Variants in TDRD5 observed in about 807,000 individuals in gnomAD.
TDRD5 encodes the protein tudor domain-containing protein 5.
TDRD5 carries 41 observed loss-of-function variants against 120.6 expected under a neutral mutation model. That is an observed-to-expected ratio of 0.34 (90% CI 0.26 to 0.44). The LOEUF is 0.44. Ranked by LOEUF, TDRD5 falls within the 20% of genes least tolerant of loss-of-function variation. TDRD5 has a pLI of 1.00. For synonymous variants in TDRD5, 430 were observed against 433.7 expected, an observed-to-expected ratio of 0.99 and a Z score of 0.11; for missense variants, 1,006 against 1,221.2, an observed-to-expected ratio of 0.82 and a Z score of 2.63.
chr1:179,675,526 GC>G (rs1048648269), intron 17 of TDRD5, among the ~76,000 whole-genome samples: 33 of 151,578 alleles, frequency 2.2e-4, no homozygotes, highest in African/African-American at 6.8e-4. Flanking sequence ...TGATCCGCCC[GC>G]CTCGGCCTCC....
intron 4 of TDRD5, among the ~76,000 whole-genome samples, chr1:179,598,674 G>GTT (rs34491944): frequency 4.8e-4 from 69 of 143,732 alleles, no homozygotes; most frequent in African/African-American, 1.7e-3. Context: ...AAATCAATTG[G>GTT]TTTTTTTTTT....
intron 3 of TDRD5, 62 bp downstream of exon 3, chr1:179,593,929 G>A (rs567804407): frequency 6.5e-7 from 1 of 1,544,158 alleles, no homozygotes; most frequent in South Asian, 1.3e-5. Flanking sequence ...AATCACTAAG[G>A]TCTATGAGTT....
At chr1:179,601,844 C>T (rs973204003) in intron 4 of TDRD5, among the ~76,000 whole-genome samples, 12 of 152,318 alleles carry the variant, frequency 7.9e-5, no homozygotes, top group African/African-American at 2.6e-4. Flanking sequence ...CTTGCTCTGT[C>T]GCCCAGGCTG....
chr1:179,592,346 C>G (rs974484526), intron 1 of TDRD5: 11 of 405,180 alleles, frequency 2.7e-5, no homozygotes, highest in Admixed American at 1.9e-4. Context: ...GTCCAACACC[C>G]GACAGGAACC....
At position 179,690,925 on chromosome 1, in the gene TDRD5, G is replaced by A; in HGVS notation, c.3090G>A (p.Val1030=). The change falls in exon 18 of 18, where the codon GTG becomes GTA. Residue 1030 remains valine, a synonymous_variant. Transcript: ENST00000444136. ...SRSLLHWYPS[V]KRMEA Reference sequence around the variant, plus strand: ...GCCTCCTACACTGGTACCCCAGTGTGAAAAGGATGGAAGCATGAGGGAGGG... The same window carrying A: ...GCCTCCTACACTGGTACCCCAGTGTAAAAAGGATGGAAGCATGAGGGAGGG... 6.2e-7 allele frequency: 1 copy of A among 1,613,004 alleles called. No individual in the cohort carries two copies. The highest frequency in any genetic ancestry group is 8.5e-7 in the Non-Finnish European group (1 of 1,179,532).
chr1:179,650,541 A>G (rs12404142), intron 11 of TDRD5, among the ~76,000 whole-genome samples: 51,389 of 151,910 alleles, frequency 0.34, 8,924 homozygotes, highest in Admixed American at 0.42. Flanking sequence ...CCTTTTGGAT[A>G]TATTTCATAA....
chr1:179,652,673 C>G (rs1187839262), intron 13 of TDRD5, among the ~76,000 whole-genome samples: 3 of 152,154 alleles, frequency 2.0e-5, no homozygotes, highest in African/African-American at 7.2e-5. Context: ...CTAATTTAAT[C>G]TTTACAGCAA....
At chr1:179,684,025 A>G (rs184538297) in intron 17 of TDRD5, among the ~76,000 whole-genome samples, 1 of 152,238 alleles carries the variant, frequency 6.6e-6, no homozygotes, top group East Asian at 1.9e-4. Context: ...CTTCTTCATT[A>G]AAACTAATTA....
intron 16 of TDRD5, among the ~76,000 whole-genome samples, chr1:179,666,359 CTA>C (rs553277760): frequency 7.0e-4 from 106 of 152,270 alleles, no homozygotes; most frequent in African/African-American, 2.3e-3. Context: ...TGATGAATAT[CTA>C]TTTTTAAGAT....
chr1:179,671,918 C>T (rs184020037), intron 17 of TDRD5, among the ~76,000 whole-genome samples: 21 of 150,026 alleles, frequency 1.4e-4, no homozygotes, highest in Admixed American at 6.0e-4. Context: ...GCCATTATTT[C>T]GTTCCTTTTT....
intron 4 of TDRD5, among the ~76,000 whole-genome samples, chr1:179,611,353 G>C (rs940829021): frequency 6.6e-6 from 1 of 151,976 alleles, no homozygotes; most frequent in Non-Finnish European, 1.5e-5. Flanking sequence ...GGCTAGTTGT[G>C]ATACTGTTTT....
At chr1:179,615,749 T>C (rs1415349950) in intron 4 of TDRD5, among the ~76,000 whole-genome samples, 2 of 151,686 alleles carry the variant, frequency 1.3e-5, no homozygotes, top group Non-Finnish European at 2.9e-5. Flanking sequence ...AAAGTCACCT[T>C]AATTTAGACA....
At chr1:179,687,226 G>C (rs150378917) in intron 17 of TDRD5, among the ~76,000 whole-genome samples, 1 of 152,194 alleles carries the variant, frequency 6.6e-6, no homozygotes, top group Non-Finnish European at 1.5e-5. Context: ...GTGTCCCAGA[G>C]ATTCTGGTAT....
chr1:179,595,707 A>G lies in TDRD5; in HGVS notation c.720A>G (p.Ser240=), dbSNP rs1233853758. 2 of 1,613,856 alleles carry G rather than the reference A, an allele frequency of 1.2e-6. No homozygotes were observed. The highest frequency in any genetic ancestry group is 3.3e-5 in the Admixed American group (2 of 60,000). Residue 240 remains serine, a synonymous_variant, in exon 4 of 18, where the codon TCA becomes TCG. Transcript: ENST00000444136. The stretch of plus-strand genomic sequence containing the variant: ...TTCCGGTAGCAAAGCCATGCTTTTC[A>G]CAACCCACTTCAAACATGGAACCAC... The part of the protein sequence containing the change: ...TGFPVAKPCF[S]QPTSNMEPPK...
In TDRD5 at chr1:179,618,578, T is replaced by C. The variant is rs201283344; in HGVS notation, c.832-21T>C. On this transcript the variant is annotated intron_variant, in intron 4 of 17. Coordinates refer to ENST00000444136, the MANE Select transcript of TDRD5 (RefSeq NM_001199085.3). ...TTGGTCAGGGGGACTGTGACTTGAC[T>C]TTTTTTTTCTTTTTTCATAGCTGGA... 2.6e-5 allele frequency: 40 copies of C among 1,539,992 alleles called. No homozygotes were observed. The South Asian group carries it at 4.7e-4, about 18-fold the overall frequency.
intron 4 of TDRD5, among the ~76,000 whole-genome samples, chr1:179,602,420 C>CTGA (rs767299247): frequency 4.6e-5 from 7 of 152,058 alleles, no homozygotes; most frequent in African/African-American, 7.2e-5. Context: ...TTTTTTCTTA[C>CTGA]TGATGGGTTT....
At chr1:179,654,781 A>G (rs1343505226) in intron 14 of TDRD5, among the ~76,000 whole-genome samples, 1 of 152,144 alleles carries the variant, frequency 6.6e-6, no homozygotes, top group Admixed American at 6.5e-5. Flanking sequence ...AAAATAAAGT[A>G]AAATAAGTAA....
rs1677146235 is a variant in TDRD5, at chr1:179,626,640, AAAGAT to A, written c.973-4121_973-4117del. Among the ~76,000 whole-genome samples, 4 of 152,322 alleles carry A rather than the reference AAAGAT, an allele frequency of 2.6e-5. No individual in the cohort carries two copies. The South Asian group carries it at 8.3e-4, about 32-fold the overall frequency. On this transcript the variant is annotated intron_variant, in intron 6 of 17. Transcript: ENST00000444136. ...TACAGGTCACTTTGAAATGTATATA[AAAGAT>A]AAGATGGGTTGGTAGATGGTTGGAT...
chr1:179,634,889 C>G (rs1023944608), intron 8 of TDRD5, among the ~76,000 whole-genome samples: 4 of 152,164 alleles, frequency 2.6e-5, no homozygotes, highest in African/African-American at 9.7e-5. Context: ...CTCATGATGT[C>G]TTGAAAACCC....
Sources: gnomAD v4.1 joint callset for allele counts (sites outside exome capture counted in the v4.1 genomes callset) on GRCh38, gnomAD v4.1.1 for gene constraint, MANE v1.5 for transcripts, NCBI Gene and HGNC (gene_info 2026-07-23, HGNC 2026-07-21) for gene names.